KNTC1: variants seen among roughly 807,000 people sequenced by gnomAD.
KNTC1 encodes the protein kinetochore associated 1.
In KNTC1, 253 loss-of-function variants were observed where a neutral mutation model predicts 314.4. The observed-to-expected ratio is 0.80, with a 90% CI of 0.73 to 0.89. KNTC1 has a LOEUF of 0.89. KNTC1 is among the 40% of genes least tolerant of loss of function. KNTC1 has a pLI of 0.00. For missense variants in KNTC1, 2,475 were observed against 2,572.9 expected (o/e 0.96, Z 0.82); for synonymous variants, 901 against 901.4 (o/e 1.00, Z 0.01).
intron 18 of KNTC1, among the ~76,000 whole-genome samples, chr12:122,559,634 G>A (rs1335075988): frequency 6.6e-6 from 1 of 152,140 alleles, no homozygotes; most frequent in Non-Finnish European, 1.5e-5. Flanking sequence ...GTGCAGTGGT[G>A]TGATCTCGGC....
chr12:122,598,743 A>G (rs546061571), intron 44 of KNTC1, among the ~76,000 whole-genome samples: 2 of 152,206 alleles, frequency 1.3e-5, no homozygotes, highest in South Asian at 2.1e-4. Flanking sequence ...TGACAGATGC[A>G]TAACTATTAT....
chr12:122,579,912 C>A lies in KNTC1; in HGVS notation c.2849C>A (p.Ala950Asp). ...EEPDHSKEGK[A>D]WRMSVAKTSV... ...TTATTTATTTATTTTTAGGGCAAGG[C>A]CTGGAGAATGTCTGTAGCGAAGACA... Residue 950 changes from alanine to aspartate, a missense_variant, in exon 32 of 64, where the codon GCC becomes GAC. Ala to Asp is a moderately radical substitution (Grantham distance 126). Coordinates refer to ENST00000333479, the MANE Select transcript of KNTC1 (RefSeq NM_014708.6). 1 of 1,605,836 alleles carries A rather than the reference C, an allele frequency of 6.2e-7. No individual in the cohort carries two copies. Among genetic ancestry groups the A allele is most frequent in the Admixed American group, 1.7e-5 (1 of 59,924 alleles).
chr12:122,581,941 G>A (rs909477858), intron 33 of KNTC1, among the ~76,000 whole-genome samples: 6 of 152,114 alleles, frequency 3.9e-5, no homozygotes, highest in East Asian at 1.9e-4. Flanking sequence ...CAGAAACTCC[G>A]TAGCCATGAA....
intron 20 of KNTC1, chr12:122,563,747 G>C: frequency 7.0e-7 from 1 of 1,422,292 alleles, no homozygotes; most frequent in Non-Finnish European, 9.3e-7. Context: ...TCTTTAGAAT[G>C]ATCTGGCTCT....
chr12:122,569,071 C>CT (rs1964521307), intron 21 of KNTC1, among the ~76,000 whole-genome samples: 2 of 152,052 alleles, frequency 1.3e-5, no homozygotes, highest in African/African-American at 4.8e-5. Context: ...GATTAATAGG[C>CT]TTAATAGCTG....
intron 2 of KNTC1, among the ~76,000 whole-genome samples, chr12:122,533,112 A>AAGAGTCTAGAG (rs1265382778): frequency 6.6e-6 from 1 of 152,162 alleles, no homozygotes; most frequent in Admixed American, 6.5e-5. Context: ...GTCTAGAGAG[A>AAGAGTCTAGAG]AGAGTCTAGA....
chr12:122,610,051 C>T (rs1872956783), intron 52 of KNTC1, among the ~76,000 whole-genome samples: 1 of 152,220 alleles, frequency 6.6e-6, no homozygotes, highest in Admixed American at 6.5e-5. Context: ...TGTCCAGCCT[C>T]AGCCTTGGAG....
rs146416240 is a variant in KNTC1 at position 122,556,793 on chromosome 12, T to C, written c.1273-591T>C. Among the ~76,000 whole-genome samples, 127 of 152,234 alleles carry C rather than the reference T, an allele frequency of 8.3e-4. 1 individual carries two copies. Among genetic ancestry groups the C allele is most frequent in the Admixed American group, 3.7e-3 (57 of 15,286 alleles). On this transcript the variant is annotated intron_variant, in intron 16 of 63. Coordinates refer to ENST00000333479, the MANE Select transcript of KNTC1 (RefSeq NM_014708.6). ...TCTCTACTTTTATGAGTTTGACTAT[T>C]TTAAGATTTCACATGTAAGTGAGAT...
At chr12:122,583,820 A>C (rs1415361258) in intron 34 of KNTC1, among the ~76,000 whole-genome samples, 2 of 151,328 alleles carry the variant, frequency 1.3e-5, no homozygotes, top group South Asian at 2.1e-4. Flanking sequence ...AGTGAGACTC[A>C]GTCTCAGAAA....
In KNTC1 at chr12:122,543,627, C is replaced by CA; in HGVS notation, c.557dup (p.Leu187ValfsTer13). On this transcript the variant is annotated frameshift_variant, in exon 7 of 64. Coordinates refer to ENST00000333479, the MANE Select transcript of KNTC1 (RefSeq NM_014708.6). LOFTEE classifies it high-confidence loss of function. ...ATTGAGAATGTAGACTTCAGTACAG[C>CA]AAAAAAGGTAAGAAAATAAATCCAT... 2 of 1,550,518 alleles carry CA rather than the reference C, an allele frequency of 1.3e-6. No homozygotes were observed. Among genetic ancestry groups the CA allele is most frequent in the South Asian group, 2.4e-5 (2 of 82,744 alleles).
At chr12:122,541,107 C>T (rs1010227543) in intron 5 of KNTC1, among the ~76,000 whole-genome samples, 12 of 151,984 alleles carry the variant, frequency 7.9e-5, no homozygotes, top group African/African-American at 2.4e-4. Context: ...CAGTGAGCTG[C>T]GATCGCTGCA....
At chr12:122,588,245 G>A (rs1006258760) in intron 39 of KNTC1, among the ~76,000 whole-genome samples, 7 of 152,124 alleles carry the variant, frequency 4.6e-5, no homozygotes, top group African/African-American at 1.7e-4. Flanking sequence ...TGTTTGTTTT[G>A]TTATCACCTA....
chr12:122,547,530 G>T lies in KNTC1; in HGVS notation c.932G>T (p.Trp311Leu). The T allele has an allele frequency of 6.4e-7, 1 of 1,571,618 alleles. No homozygotes were observed. Among genetic ancestry groups the T allele is most frequent in the Non-Finnish European group, 8.7e-7 (1 of 1,142,914 alleles). Reference sequence around the variant, plus strand: ...GCAGACTCTCCTTCATCAGTCACGTGGTATGTTATGACTATGGCTAGTAGT... The same window carrying T: ...GCAGACTCTCCTTCATCAGTCACGTTGTATGTTATGACTATGGCTAGTAGT... ...TEADSPSSVT[W>L]QGITNLKLIA... is the part of the protein sequence containing the mutation. The change falls in exon 11 of 64, where the codon TGG becomes TTG. Residue 311 changes from tryptophan to leucine, a missense_variant and splice_region_variant. By Grantham distance (61) the Trp-to-Leu change is moderately conservative (BLOSUM62 -2). Transcript: ENST00000333479.
chr12:122,531,051 T>C (rs1335161005), intron 2 of KNTC1, among the ~76,000 whole-genome samples: 4 of 151,890 alleles, frequency 2.6e-5, no homozygotes, highest in Non-Finnish European at 4.4e-5. Flanking sequence ...TTTAATTCTT[T>C]TTTTTTTTTA....
At position 122,576,812 on chromosome 12, in the gene KNTC1, T is replaced by G. The variant is rs147123684; in HGVS notation, c.2587-83T>G. 2,032 of 1,088,774 alleles carry G rather than the reference T, an allele frequency of 1.9e-3. 29 individuals carry two copies. The African/African-American group carries it at 0.03, about 16-fold the overall frequency. 67.4% of individuals were successfully genotyped at this position (1,088,774 alleles called of 1,614,324 possible). A position where few individuals can be genotyped will look rare whatever the true frequency, so the allele number is the denominator to read the frequency against. On this transcript the variant is annotated intron_variant, in intron 29 of 63. Transcript: ENST00000333479. ...TTTTGCTGCATTATTTAAATTTTTTTGCCACTTTGCTCTTATAAGCAAGTG... is the reference window on the plus strand; with the variant it reads ...TTTTGCTGCATTATTTAAATTTTTTGGCCACTTTGCTCTTATAAGCAAGTG...
chr12:122,565,171 T>C (rs963556843), intron 20 of KNTC1, among the ~76,000 whole-genome samples: 2 of 152,028 alleles, frequency 1.3e-5, no homozygotes, highest in African/African-American at 2.4e-5. Context: ...GGTTGAAATA[T>C]TTACTTTCTC....
intron 51 of KNTC1, among the ~76,000 whole-genome samples, chr12:122,608,820 G>A (rs935780965): frequency 6.6e-6 from 1 of 152,150 alleles, no homozygotes; most frequent in African/African-American, 2.4e-5. Context: ...CACTTTGGGA[G>A]GCTGAGGTGG....
intron 1 of KNTC1, among the ~76,000 whole-genome samples, chr12:122,529,781 A>C (rs931390273): frequency 1.3e-5 from 2 of 152,236 alleles, no homozygotes; most frequent in African/African-American, 4.8e-5. Context: ...TGGTAAGATC[A>C]GAATTGTTGG....
chr12:122,576,979 G>C lies in KNTC1; in HGVS notation c.2671G>C (p.Asp891His), dbSNP rs997827844. 2.5e-6 allele frequency: 4 copies of C among 1,592,088 alleles called. No individual in the cohort carries two copies. In the East Asian group the frequency reaches 6.7e-5, roughly 27 times the overall value. Residue 891 changes from aspartate (D) to histidine (H), a missense_variant, in exon 30 of 64, where the codon GAT (aspartate) becomes CAT (histidine). By Grantham distance (81) the Asp-to-His change is moderately conservative. Coordinates refer to ENST00000333479, the MANE Select transcript of KNTC1 (RefSeq NM_014708.6). ...GGTAGCCCAAGCGTTTATGTTATCT[G>C]ATGATGAGATCTACAGTCTAAGAAT... Reference protein sequence around the residue: ...LKVAQAFMLSDDEIYSLRIID... With the variant: ...LKVAQAFMLSHDEIYSLRIID...
Sources: gnomAD v4.1 joint callset for allele counts (sites outside exome capture counted in the v4.1 genomes callset) on GRCh38, gnomAD v4.1.1 for gene constraint, MANE v1.5 for transcripts, NCBI Gene and HGNC (gene_info 2026-07-23, HGNC 2026-07-21) for gene names.